Variants in GET4 observed in about 807,000 individuals in gnomAD.
GET4 encodes Golgi to ER traffic protein 4 homolog.
Under a neutral mutation model 40.0 loss-of-function variants are expected in GET4, and 20 were observed. The ratio of observed to expected loss-of-function variants is 0.50; its 90% CI spans 0.35 to 0.73. The LOEUF (loss-of-function observed/expected upper bound fraction) is 0.73. Ranked by LOEUF, GET4 falls within the 30% of genes least tolerant of loss-of-function variation. GET4 has a pLI of 0.01. For synonymous variants in GET4, 280 were observed against 194.6 expected (o/e 1.44, Z -3.65); for missense variants, 557 against 454.0 (o/e 1.23, Z -2.06).
At chr7:886,189 G>A (rs966920494) in intron 2 of GET4, 55 bp downstream of exon 2, 5 of 1,176,914 alleles carry the variant, frequency 4.2e-6, no homozygotes, top group African/African-American at 1.5e-5. Context: ...GGCAAGTGGA[G>A]GTGGGAATGA....
chr7:879,443 A>T (rs533711898), intron 1 of GET4, among the ~76,000 whole-genome samples: 1 of 152,348 alleles, frequency 6.6e-6, no homozygotes, highest in East Asian at 1.9e-4. Context: ...AGCTGACCTG[A>T]ACGGGCTGGG....
At chr7:882,022 C>G (rs1054698109) in intron 1 of GET4, 1 of 152,214 alleles carries the variant, frequency 6.6e-6, no homozygotes, top group African/African-American at 2.4e-5. Flanking sequence ...CTTTTTATGG[C>G]TGCATAGTAT....
rs954673313 is a variant in GET4, at chr7:884,425, G to A, written c.156-1631G>A. 3.3e-5 allele frequency: 39 copies of A among 1,190,496 alleles called. No individual in the cohort carries two copies. In the East Asian group the frequency reaches 5.9e-4, roughly 18 times the overall value. 73.7% of individuals were successfully genotyped at this position (1,190,496 alleles called of 1,614,324 possible). On this transcript the variant is annotated intron_variant, in intron 1 of 8. Coordinates refer to ENST00000265857, the MANE Select transcript of GET4 (RefSeq NM_015949.3). Reference sequence around the variant, plus strand: ...TCTCCCTCCAGAACCTTCACTGTGCGGGGAGCACAGCAAAACCGGAGGCCT... The same window carrying A: ...TCTCCCTCCAGAACCTTCACTGTGCAGGGAGCACAGCAAAACCGGAGGCCT...
chr7:888,150 T>C (rs570758040), intron 4 of GET4, among the ~76,000 whole-genome samples: 1 of 152,284 alleles, frequency 6.6e-6, no homozygotes, highest in East Asian at 1.9e-4. Flanking sequence ...CGGGTCTGCA[T>C]GTGCCTGGGC....
chr7:885,114 C>G (rs937706553), intron 1 of GET4: 4 of 152,218 alleles, frequency 2.6e-5, no homozygotes, highest in African/African-American at 9.7e-5. Context: ...TTTTCTTTAA[C>G]TAGATTTATT....
At position 879,408 on chromosome 7, in the gene GET4, G is replaced by A. The variant is rs184517850; in HGVS notation, c.155+2608G>A. On this transcript the variant is annotated intron_variant, in intron 1 of 8. Transcript: ENST00000265857. Reference sequence around the variant, plus strand: ...TGCCAGGAAATGAGAAAAGAGGAGTGTTTGTGTCGGTAGTTGTCAATCTTA... The same window carrying A: ...TGCCAGGAAATGAGAAAAGAGGAGTATTTGTGTCGGTAGTTGTCAATCTTA... Among the ~76,000 whole-genome samples the A allele has an allele frequency of 2.2e-4, 33 of 152,362 alleles. No individual in the cohort carries two copies. The East Asian group carries it at 4.8e-3, about 22-fold the overall frequency.
In GET4 at chr7:895,553, G is replaced by A; in HGVS notation, c.*131G>A. 3.7e-6 allele frequency: 2 copies of A among 535,066 alleles called. No individual in the cohort carries two copies. Among genetic ancestry groups the A allele is most frequent in the East Asian group, 3.2e-5 (1 of 30,868 alleles). The allele number at this position is 535,066 out of a possible 1,614,324, so 33.1% of individuals were successfully genotyped here. The stretch of plus-strand genomic sequence containing the variant: ...TGGCGGTGGCCGCATGCCGGCGCGT[G>A]TCTGTTTCTGTGCGGCGGCTCAGGG... On this transcript the variant is annotated 3_prime_UTR_variant, in exon 9 of 9. Transcript: ENST00000265857.
intron 5 of GET4, 98 bp downstream of exon 5, chr7:891,164 AG>A: frequency 1.1e-6 from 1 of 934,954 alleles, no homozygotes; most frequent in Non-Finnish European, 1.6e-6. Flanking sequence ...GCCGAGCTGC[AG>A]GATAAACTGA....
intron 4 of GET4, among the ~76,000 whole-genome samples, chr7:890,682 A>G (rs1246554909): frequency 6.6e-6 from 1 of 152,112 alleles, no homozygotes; most frequent in African/African-American, 2.4e-5. Context: ...AGCAGCTCCA[A>G]GAGCTTGGAG....
rs1249997437 is a variant in GET4, at chr7:876,577, G to C, written c.-69G>C. The stretch of plus-strand genomic sequence containing the variant: ...GTAGAAGGGCGTCGGGCGGCCGTCG[G>C]GACGGAAGCCGGGAGGCGCTGCCGA... On this transcript the variant is annotated 5_prime_UTR_variant, in exon 1 of 9. Coordinates refer to ENST00000265857, the MANE Select transcript of GET4 (RefSeq NM_015949.3). 8.8e-7 allele frequency: 1 copy of C among 1,141,018 alleles called. No homozygotes were observed. The highest frequency in any genetic ancestry group is 1.1e-6 in the Non-Finnish European group (1 of 927,496). 70.7% of individuals were successfully genotyped at this position (1,141,018 alleles called of 1,614,324 possible).
chr7:885,793 C>G (rs1344326162), intron 1 of GET4: 1 of 485,706 alleles, frequency 2.1e-6, no homozygotes, highest in Non-Finnish European at 3.7e-6. Flanking sequence ...TGAGCTGCTC[C>G]AGGGTGAGGC....
At position 888,403 on chromosome 7, in the gene GET4, C is replaced by T. The variant is rs1844238565; in HGVS notation, c.466+884C>T. ...TGCCCATCCGACCTCCGACCTTGTT[C>T]CTGGTCATGCAGGTTCCGCCTGGGC... On this transcript the variant is annotated intron_variant, in intron 4 of 8. Transcript: ENST00000265857. 2.0e-5 allele frequency among the ~76,000 whole-genome samples: 3 copies of T among 152,250 alleles called. No homozygotes were observed. The East Asian group carries it at 5.8e-4, about 29-fold the overall frequency.
At chr7:877,330 C>T (rs1306945062) in intron 1 of GET4, among the ~76,000 whole-genome samples, 2 of 136,300 alleles carry the variant, frequency 1.5e-5, no homozygotes, top group Non-Finnish European at 3.2e-5. Context: ...TGGCCTCCCC[C>T]TGCCCCTCGT....
chr7:887,930 T>C (rs756672838), intron 4 of GET4, among the ~76,000 whole-genome samples: 75 of 152,236 alleles, frequency 4.9e-4, no homozygotes, highest in Non-Finnish European at 7.9e-4. Context: ...TGGTGGGGTC[T>C]GGCTGTCTGC....
intron 8 of GET4, among the ~76,000 whole-genome samples, chr7:894,736 A>G (rs1257292308): frequency 1.3e-5 from 2 of 152,240 alleles, no homozygotes; most frequent in Non-Finnish European, 2.9e-5. Context: ...AGAGGGTGAC[A>G]CTGCCACGGC....
In GET4 at chr7:890,409, TTAGGA is replaced by T. The variant is rs1423296383; in HGVS notation, c.467-518_467-514del. Among the ~76,000 whole-genome samples, 13 of 83,186 alleles carry T rather than the reference TTAGGA, an allele frequency of 1.6e-4. 1 individual carries two copies. The highest frequency in any genetic ancestry group is 5.0e-4 in the South Asian group (1 of 1,996). The allele number at this position is 83,186 out of a possible 152,430, so 54.6% of individuals were successfully genotyped here. A position where few individuals can be genotyped will look rare whatever the true frequency, so the allele number is the denominator to read the frequency against. On this transcript the variant is annotated intron_variant, in intron 4 of 8. Transcript: ENST00000265857. ...GGAGTGGAGGGAGTGTGAGCGGGTG[TTAGGA>T]CGGGCCTGGGAGTGGAGGGAGTGTG...
In GET4 at chr7:891,017, C is replaced by T. The variant is rs775277936; in HGVS notation, c.556C>T (p.Arg186Cys). 8.1e-6 allele frequency: 13 copies of T among 1,611,068 alleles called. 1 individual carries two copies. The highest frequency in any genetic ancestry group is 6.6e-5 in the South Asian group (6 of 90,920). ...CATGCTGGTGGAGTATTCCACGTCCCGCGGCTTCCGCAGCGAGGTGGACAT... is the reference window on the plus strand; with the variant it reads ...CATGCTGGTGGAGTATTCCACGTCCTGCGGCTTCCGCAGCGAGGTGGACAT... The part of the protein sequence containing the change: ...ANMLVEYSTS[R>C]GFRSEVDMFV... Residue 186 changes from arginine to cysteine, a missense_variant, in exon 5 of 9, where the codon CGC (arginine) becomes TGC (cysteine). Coordinates refer to ENST00000265857, the MANE Select transcript of GET4 (RefSeq NM_015949.3).
intron 1 of GET4, chr7:878,138 C>T (rs1020402307): frequency 1.0e-5 from 4 of 396,424 alleles, no homozygotes; most frequent in Non-Finnish European, 2.1e-5. Flanking sequence ...TCGGTGACAC[C>T]TGCACGGCCG....
Position 892,275 on chromosome 7 carries a change from C to A in GET4, c.606-3C>A, listed in dbSNP as rs1436977273. On this transcript the variant is annotated splice_polypyrimidine_tract_variant and splice_region_variant and intron_variant, in intron 5 of 8. Transcript: ENST00000265857. Reference sequence around the variant, plus strand: ...TCCACCACCAGCATGTTCTCATTTCCAGGTTTCTCTGTTTAAAAAACAAAA... The same window carrying A: ...TCCACCACCAGCATGTTCTCATTTCAAGGTTTCTCTGTTTAAAAAACAAAA... The A allele has an allele frequency of 6.3e-7, 1 of 1,586,198 alleles. No individual in the cohort carries two copies.
Sources: gnomAD v4.1 joint callset for allele counts (sites outside exome capture counted in the v4.1 genomes callset) on GRCh38, gnomAD v4.1.1 for gene constraint, MANE v1.5 for transcripts, NCBI Gene and HGNC (gene_info 2026-07-23, HGNC 2026-07-21) for gene names.